Variants in TMCC1 observed in about 807,000 individuals in gnomAD.
TMCC1 encodes transmembrane and coiled-coil domain family 1.
Under a neutral mutation model 52.4 loss-of-function variants are expected in TMCC1, and 15 were observed. The ratio of observed to expected loss-of-function variants is 0.29; its 90% confidence interval spans 0.19 to 0.44. The LOEUF is 0.44. Ranked by LOEUF, TMCC1 falls within the 20% of genes least tolerant of loss-of-function variation. The pLI, the probability that TMCC1 is intolerant of heterozygous loss-of-function variation, is 1.00. For synonymous variants in TMCC1, 279 were observed against 301.9 expected (o/e 0.92, Z 0.79); for missense variants, 503 against 806.0 (o/e 0.62, Z 4.55).
At chr3:129,746,234 GAT>G (rs1057215857) in intron 4 of TMCC1, among the ~76,000 whole-genome samples, 2 of 151,926 alleles carry the variant, frequency 1.3e-5, no homozygotes, top group African/African-American at 4.8e-5. Context: ...GCAGTGGCGT[GAT>G]CTCAGCTCAC....
At chr3:129,721,190 T>C (rs2049553075) in intron 4 of TMCC1, among the ~76,000 whole-genome samples, 1 of 152,216 alleles carries the variant, frequency 6.6e-6, no homozygotes, top group Admixed American at 6.5e-5. Context: ...CTGCCTGGAA[T>C]GCTCATTCCT....
intron 4 of TMCC1, chr3:129,688,477 TCA>T: frequency 4.1e-6 from 4 of 985,552 alleles, no homozygotes; most frequent in Non-Finnish European, 4.8e-6. Flanking sequence ...CTTCTCACCT[TCA>T]CAGTCTCAGA....
At position 129,758,490 on chromosome 3, in the gene TMCC1, T is replaced by C. The variant is rs138959135; in HGVS notation, c.576+69313A>G. On this transcript the variant is annotated intron_variant, in intron 4 of 6. Coordinates refer to ENST00000393238, the MANE Select transcript of TMCC1 (RefSeq NM_001017395.5). The stretch of plus-strand genomic sequence containing the variant: ...TTGGTTGCTAAATCCAGAACCCAAA[T>C]CTTGGTTGCTAAATCCAATAAAAGG... Among the ~76,000 whole-genome samples the C allele has an allele frequency of 4.3e-4, 65 of 152,310 alleles. No homozygotes were observed. The East Asian group carries it at 0.011, about 26-fold the overall frequency.
intron 4 of TMCC1, among the ~76,000 whole-genome samples, chr3:129,695,789 A>T (rs1272838610): frequency 6.6e-6 from 1 of 152,100 alleles, no homozygotes; most frequent in Non-Finnish European, 1.5e-5. Context: ...TTCAAAACCA[A>T]TCATGCCTTT....
intron 4 of TMCC1, among the ~76,000 whole-genome samples, chr3:129,743,667 T>C (rs2051663144): frequency 6.6e-6 from 1 of 152,116 alleles, no homozygotes; most frequent in African/African-American, 2.4e-5. Flanking sequence ...TTAAAAAAAG[T>C]CTCTTCATTC....
chr3:129,783,438 T>C (rs1469297632), intron 4 of TMCC1, among the ~76,000 whole-genome samples: 1 of 152,156 alleles, frequency 6.6e-6, no homozygotes, highest in Non-Finnish European at 1.5e-5. Context: ...AGCATTTATT[T>C]TATGATCATT....
At chr3:129,782,190 T>A (rs1000789454) in intron 4 of TMCC1, among the ~76,000 whole-genome samples, 3 of 152,108 alleles carry the variant, frequency 2.0e-5, no homozygotes. Context: ...AATATACATT[T>A]GAGAATTTTC....
chr3:129,705,193 C>A (rs2048129001), intron 4 of TMCC1, among the ~76,000 whole-genome samples: 1 of 152,142 alleles, frequency 6.6e-6, no homozygotes, highest in South Asian at 2.1e-4. Flanking sequence ...CTGGGGTTCT[C>A]ACTCTCTAGT....
intron 4 of TMCC1, chr3:129,688,256 TG>T: frequency 2.0e-6 from 2 of 984,806 alleles, no homozygotes; most frequent in Non-Finnish European, 2.4e-6. Flanking sequence ...AGAGAAAGCT[TG>T]GATGGTAAAA....
chr3:129,736,683 A>C (rs937860896), intron 4 of TMCC1, among the ~76,000 whole-genome samples: 2 of 151,782 alleles, frequency 1.3e-5, no homozygotes, highest in South Asian at 2.1e-4. Context: ...CACCACGCCC[A>C]GCTAATTTTT....
At chr3:129,859,857 A>G (rs934154123) in intron 2 of TMCC1, among the ~76,000 whole-genome samples, 1 of 152,126 alleles carries the variant, frequency 6.6e-6, no homozygotes, top group Non-Finnish European at 1.5e-5. Flanking sequence ...CTCAATAAAT[A>G]TATGTTTAAA....
chr3:129,826,686 T>C (rs560869568), intron 4 of TMCC1, among the ~76,000 whole-genome samples: 10 of 152,070 alleles, frequency 6.6e-5, no homozygotes, highest in Non-Finnish European at 8.8e-5. Flanking sequence ...TCAATATTTA[T>C]ATTTCCAGGT....
intron 4 of TMCC1, among the ~76,000 whole-genome samples, chr3:129,683,061 T>C (rs1312858284): frequency 6.6e-6 from 1 of 152,172 alleles, no homozygotes; most frequent in African/African-American, 2.4e-5. Flanking sequence ...TCTCGAACTC[T>C]GGACCTCAGG....
chr3:129,711,078 G>T (rs1451155755), intron 4 of TMCC1, among the ~76,000 whole-genome samples: 1 of 152,156 alleles, frequency 6.6e-6, no homozygotes, highest in Non-Finnish European at 1.5e-5. Flanking sequence ...TGGCCAGGCT[G>T]GTCTTGAACT....
chr3:129,800,112 C>G (rs1399788469), intron 4 of TMCC1, among the ~76,000 whole-genome samples: 1 of 152,140 alleles, frequency 6.6e-6, no homozygotes, highest in East Asian at 1.9e-4. Flanking sequence ...ATAAAGGAAT[C>G]TTGTGTGTGG....
rs906402354 is a variant in TMCC1, at chr3:129,828,516, TAAAAACAAAAAAACAA to T, written c.-130-24_-130-9del. On this transcript the variant is annotated splice_polypyrimidine_tract_variant and intron_variant, in intron 3 of 6. Transcript: ENST00000393238. The surrounding 1 kb of genome is among the most constrained non-coding windows in gnomAD (Gnocchi z 4.1). ...CGAAGGCTTCATGCCTATCTAATGT[TAAAAACAAAAAAACAA>T]AAAAACAAAAAAAAAACCTTATATT... 2.6e-6 allele frequency: 2 copies of T among 754,848 alleles called. No individual in the cohort carries two copies. The highest frequency in any genetic ancestry group is 1.8e-5 in the African/African-American group (1 of 56,412). The allele number at this position is 754,848 out of a possible 1,614,324, so 46.8% of individuals were successfully genotyped here.
At chr3:129,780,907 G>GAAC (rs2055468519) in intron 4 of TMCC1, among the ~76,000 whole-genome samples, 1 of 152,058 alleles carries the variant, frequency 6.6e-6, no homozygotes, top group Non-Finnish European at 1.5e-5. Context: ...ACTACAGGTT[G>GAAC]CTAGTTAAAT....
At chr3:129,687,985 A>C (rs952035685) in intron 4 of TMCC1, among the ~76,000 whole-genome samples, 8 of 152,236 alleles carry the variant, frequency 5.3e-5, no homozygotes, top group African/African-American at 1.9e-4. Context: ...GACACATGAG[A>C]AAACTTGGAT....
intron 4 of TMCC1, among the ~76,000 whole-genome samples, chr3:129,683,743 A>G (rs1231538918): frequency 2.0e-5 from 3 of 151,952 alleles, no homozygotes; most frequent in Non-Finnish European, 4.4e-5. Context: ...ACCACCATCC[A>G]TCCTCCTACC....
Sources: gnomAD v4.1 joint callset for allele counts (sites outside exome capture counted in the v4.1 genomes callset) on GRCh38, gnomAD v4.1.1 for gene constraint, Gnocchi (gnomAD v3.1) non-coding constraint, MANE v1.5 for transcripts, NCBI Gene and HGNC (gene_info 2026-07-23, HGNC 2026-07-21) for gene names.